ZNF469: variants seen among roughly 807,000 people sequenced by gnomAD.
The protein encoded by ZNF469 is zinc finger protein 469.
A neutral mutation model predicts 1.0 loss-of-function variants in ZNF469; 1 was observed. The observed-to-expected ratio is 1.00, with a 90% confidence interval of 0.35 to 4.73. The LOEUF is 4.73. Among genes scored for constraint, ZNF469 ranks in the 30% most tolerant of loss-of-function variants. The pLI is 0.16. For synonymous variants in ZNF469, 2,703 were observed against 2,363.4 expected, an observed-to-expected ratio of 1.14 and a Z score of -4.17; for missense variants, 6,100 against 5,356.3, an observed-to-expected ratio of 1.14 and a Z score of -4.33.
the ZNF469 span, among the ~76,000 whole-genome samples, chr16:88,138,614 C>G: frequency 5.9e-5 from 9 of 152,210 alleles, no homozygotes; most frequent in Non-Finnish European, 1.2e-4. Flanking sequence ...AAGGTTGGTT[C>G]TGCAAAGGAA....
At chr16:88,164,545 G>C in the ZNF469 span, among the ~76,000 whole-genome samples, 8 of 152,286 alleles carry the variant, frequency 5.3e-5, no homozygotes, top group Non-Finnish European at 8.8e-5. Flanking sequence ...AGACAGGGTG[G>C]GTATGTGGCC....
At chr16:88,341,877 G>A in the ZNF469 span, among the ~76,000 whole-genome samples, 33 of 152,298 alleles carry the variant, frequency 2.2e-4, no homozygotes, top group African/African-American at 6.3e-4. Context: ...GGGCCAGGGC[G>A]AGAGCATCAC....
At chr16:88,395,669 G>A (rs1004638791) in intron 1 of ZNF469, among the ~76,000 whole-genome samples, 2 of 152,118 alleles carry the variant, frequency 1.3e-5, no homozygotes, top group African/African-American at 4.8e-5. Context: ...CGGAGGCTCA[G>A]AGGCTAAATG....
chr16:88,438,663 C>G lies in ZNF469; in HGVS notation c.11193C>G (p.Ser3731Arg). ...CCCCCAAAGCCAAACCCGGCCCCAGCTCCCAGGGCAGTGGAAGCCCTCGCC... is the reference window on the plus strand; with the variant it reads ...CCCCCAAAGCCAAACCCGGCCCCAGGTCCCAGGGCAGTGGAAGCCCTCGCC... ...PATPKAKPGPSSQGSGSPRPG... is the reference protein window; with the variant it reads ...PATPKAKPGPRSQGSGSPRPG... The change falls in exon 3 of 3, where the codon AGC (serine) becomes AGG (arginine). Residue 3731 changes from serine to arginine, a missense_variant. Transcript: ENST00000565624. 1.3e-6 allele frequency: 2 copies of G among 1,550,098 alleles called. No individual in the cohort carries two copies. The highest frequency in any genetic ancestry group is 1.7e-6 in the Non-Finnish European group (2 of 1,146,882).
At chr16:88,373,669 C>T in the ZNF469 span, among the ~76,000 whole-genome samples, 1 of 152,152 alleles carries the variant, frequency 6.6e-6, no homozygotes, top group Non-Finnish European at 1.5e-5. Flanking sequence ...CAGAGGGCTA[C>T]CTTCAGGGGA....
the ZNF469 span, among the ~76,000 whole-genome samples, chr16:88,366,916 CATCAAGACCATCATCATT>C: frequency 6.6e-6 from 1 of 152,164 alleles, no homozygotes; most frequent in African/African-American, 2.4e-5. Flanking sequence ...CCATCATCAT[CATCAAGACCATCATCATT>C]ATGAGCAATA....
rs1412118754 is a variant in ZNF469, at chr16:88,438,271, C to G, written c.10801C>G (p.Leu3601Val). 1.3e-6 allele frequency: 2 copies of G among 1,548,232 alleles called. No individual in the cohort carries two copies. Among genetic ancestry groups the G allele is most frequent in the African/African-American group, 1.4e-5 (1 of 73,004 alleles). ...LQQALPLGAS[L>V]PRPGARGQDA... is the part of the protein sequence containing the mutation. ...GCAAGCTCTCCCTCTGGGGGCATCT[C>G]TGCCGCGGCCGGGAGCCAGAGGCCA... Residue 3601 changes from leucine to valine, a missense_variant, in exon 3 of 3, where the codon CTG (leucine) becomes GTG (valine). Coordinates refer to ENST00000565624, the MANE Select transcript of ZNF469 (RefSeq NM_001367624.2).
the ZNF469 span, among the ~76,000 whole-genome samples, chr16:88,375,805 C>T: frequency 3.3e-5 from 5 of 152,250 alleles, no homozygotes; most frequent in African/African-American, 1.2e-4. Flanking sequence ...AATCGTCTGA[C>T]TGCCGAACTT....
At chr16:88,266,625 G>A in the ZNF469 span, among the ~76,000 whole-genome samples, 3 of 152,246 alleles carry the variant, frequency 2.0e-5, no homozygotes, top group African/African-American at 7.2e-5. Flanking sequence ...TACAAGAAAG[G>A]AGAAGGTTAC....
rs1340717210 is a variant in ZNF469, at chr16:88,395,619, G to A, written c.-192+12365G>A. Among the ~76,000 whole-genome samples, 3 of 152,206 alleles carry A rather than the reference G, an allele frequency of 2.0e-5. No individual in the cohort carries two copies. In the East Asian group the frequency reaches 5.8e-4, roughly 29 times the overall value. ...GTTGGTGTCAGGGATCCTCATGGAAGCCCTGTGGGTAGATAACATTATAAT... is the reference window on the plus strand; with the variant it reads ...GTTGGTGTCAGGGATCCTCATGGAAACCCTGTGGGTAGATAACATTATAAT... On this transcript the variant is annotated intron_variant, in intron 1 of 2. Coordinates refer to ENST00000565624, the MANE Select transcript of ZNF469 (RefSeq NM_001367624.2).
the ZNF469 span, among the ~76,000 whole-genome samples, chr16:88,159,451 C>G: frequency 1.3e-5 from 2 of 152,238 alleles, no homozygotes; most frequent in South Asian, 4.2e-4. Flanking sequence ...GGCCATGGCT[C>G]TGTGGATCTC....
At chr16:88,228,386 C>A in the ZNF469 span, among the ~76,000 whole-genome samples, 1 of 152,246 alleles carries the variant, frequency 6.6e-6, no homozygotes, top group Non-Finnish European at 1.5e-5. Flanking sequence ...TGTCCTGGGG[C>A]CTTGCCTTAC....
the ZNF469 span, among the ~76,000 whole-genome samples, chr16:88,301,274 C>G: frequency 6.6e-6 from 1 of 152,004 alleles, no homozygotes; most frequent in Non-Finnish European, 1.5e-5. Flanking sequence ...CCTGCCTCAT[C>G]CTCCCGAGTA....
At chr16:88,354,376 G>T in the ZNF469 span, among the ~76,000 whole-genome samples, 1 of 152,164 alleles carries the variant, frequency 6.6e-6, no homozygotes, top group South Asian at 2.1e-4. Context: ...ATATTCTCTG[G>T]AACCCGGGAC....
the ZNF469 span, among the ~76,000 whole-genome samples, chr16:88,275,523 C>G: frequency 6.6e-6 from 1 of 152,128 alleles, no homozygotes; most frequent in Non-Finnish European, 1.5e-5. Context: ...GCGTTGATGG[C>G]GGGAGGGTGC....
chr16:88,234,039 G>A, the ZNF469 span, among the ~76,000 whole-genome samples: 1 of 152,228 alleles, frequency 6.6e-6, no homozygotes, highest in Non-Finnish European at 1.5e-5. Context: ...CTATTGGGAT[G>A]AGCTCACTGG....
the ZNF469 span, among the ~76,000 whole-genome samples, chr16:88,350,699 C>T: frequency 3.9e-5 from 6 of 152,198 alleles, no homozygotes; most frequent in African/African-American, 1.4e-4. Flanking sequence ...TCACCAAGCT[C>T]CTCAATGCTG....
chr16:88,298,385 G>A, the ZNF469 span, among the ~76,000 whole-genome samples: 2 of 152,184 alleles, frequency 1.3e-5, no homozygotes, highest in African/African-American at 4.8e-5. Flanking sequence ...ACACATGCAG[G>A]GCCAGTGCCG....
rs532015720 is a variant in ZNF469, at chr16:88,434,807, A to G, written c.7337A>G (p.Gln2446Arg). The G allele has an allele frequency of 3.7e-5, 57 of 1,550,302 alleles. No individual in the cohort carries two copies. The East Asian group carries it at 1.4e-3, about 38-fold the overall frequency. The change falls in exon 3 of 3, where the codon CAG (glutamine) becomes CGG (arginine). Residue 2446 changes from glutamine (Q) to arginine (R), a missense_variant. Gln to Arg is a conservative substitution (Grantham distance 43). Transcript: ENST00000565624. ...GDPLGPQDLK[Q>R]RSRGYKKKPA... ...CCCCTCGGCCCCCAAGACCTCAAAC[A>G]GAGGTCCCGTGGCTATAAAAAGAAG...
Sources: allele counts gnomAD v4.1 joint callset (sites outside exome capture counted in the v4.1 genomes callset), GRCh38; gene constraint gnomAD v4.1.1; transcripts MANE v1.5; gene names NCBI Gene and HGNC (gene_info 2026-07-23, HGNC 2026-07-21).